The following TTLL5 variants were observed in gnomAD, a reference collection of about 807,000 sequenced individuals.
TTLL5 encodes tubulin tyrosine ligase like 5.
TTLL5 carries 132 observed loss-of-function variants against 168.4 expected under a neutral mutation model. The observed-to-expected ratio is 0.78, with a 90% CI of 0.68 to 0.91. The LOEUF (loss-of-function observed/expected upper bound fraction) is 0.91. Among genes scored for constraint, TTLL5 ranks in the 40% least tolerant of loss-of-function variants. The probability of loss-of-function intolerance (pLI) is 0.00; values close to 1 mark genes in which losing one functional copy is unlikely to be tolerated. For missense variants in TTLL5, 1,545 were observed against 1,581.5 expected (o/e 0.98, Z 0.39); for synonymous variants, 546 against 558.6 (o/e 0.98, Z 0.32).
chr14:75,863,014 G>C (rs373996057), intron 28 of TTLL5, among the ~76,000 whole-genome samples: 2 of 152,174 alleles, frequency 1.3e-5, no homozygotes, highest in East Asian at 1.9e-4. Flanking sequence ...ACATAGCATA[G>C]GTACTGACTA....
At chr14:75,890,971 A>G (rs1360289427) in intron 30 of TTLL5, among the ~76,000 whole-genome samples, 2 of 152,048 alleles carry the variant, frequency 1.3e-5, no homozygotes, top group Non-Finnish European at 2.9e-5. Flanking sequence ...TGCCCACCTC[A>G]GCCTCCCAAA....
chr14:75,705,235 G>A (rs1360377864), intron 7 of TTLL5, among the ~76,000 whole-genome samples: 1 of 152,206 alleles, frequency 6.6e-6, no homozygotes, highest in Non-Finnish European at 1.5e-5. Context: ...GCGTAGAGAT[G>A]GGTTGTGAAA....
chr14:75,875,546 A>C (rs1340954293), intron 29 of TTLL5, among the ~76,000 whole-genome samples: 1 of 152,008 alleles, frequency 6.6e-6, no homozygotes, highest in African/African-American at 2.4e-5. Context: ...ATCTCAAAAA[A>C]AAAAAAGAAA....
chr14:75,816,923 A>C (rs564409772), intron 27 of TTLL5, among the ~76,000 whole-genome samples: 23 of 150,550 alleles, frequency 1.5e-4, no homozygotes, highest in Admixed American at 6.6e-5. Context: ...CAGAGAAACT[A>C]GTGGCCAGAG....
Position 75,930,222 on chromosome 14 carries a change from C to T in TTLL5, c.3824-24202C>T, listed in dbSNP as rs182313446. 1.1e-3 allele frequency among the ~76,000 whole-genome samples: 163 copies of T among 152,216 alleles called. 1 individual carries two copies. The highest frequency in any genetic ancestry group is 3.7e-3 in the African/African-American group (154 of 41,542). ...AGAATAACAAATCCAAAGATCCTAA[C>T]CTATAATGTAGAGAATGAACACATA... On this transcript the variant is annotated intron_variant, in intron 31 of 31. Coordinates refer to ENST00000298832, the MANE Select transcript of TTLL5 (RefSeq NM_015072.5).
Position 75,793,041 on chromosome 14 carries a change from G to A in TTLL5, c.3112G>A (p.Glu1038Lys). 1 of 1,613,856 alleles carries A rather than the reference G, an allele frequency of 6.2e-7. No individual in the cohort carries two copies. The highest frequency in any genetic ancestry group is 1.1e-5 in the South Asian group (1 of 91,022). The change falls in exon 27 of 32, where the codon GAG becomes AAG. Residue 1038 changes from glutamate to lysine, a missense_variant. Physicochemically the swap from Glu to Lys is moderately conservative, Grantham distance 56. Coordinates refer to ENST00000298832, the MANE Select transcript of TTLL5 (RefSeq NM_015072.5). Reference sequence around the variant, plus strand: ...TACAGCTGAACTTCAGCGGCTAGCTGAGAAGCAGGCAGCGAGACAGTATTC... The same window carrying A: ...TACAGCTGAACTTCAGCGGCTAGCTAAGAAGCAGGCAGCGAGACAGTATTC... ...MVTAELQRLAEKQAARQYSPS... is the reference protein window; with the variant it reads ...MVTAELQRLAKKQAARQYSPS...
Position 75,717,903 on chromosome 14 carries a change from G to A in TTLL5, c.783G>A (p.Arg261=). The change falls in exon 10 of 32, where the codon CGG becomes CGA. Residue 261 remains arginine (R), a synonymous_variant. Transcript: ENST00000298832. ...VRYDQGAKNI[R]NQFMHLTNYS... ...ATGATCAAGGAGCCAAGAACATTCGGAACCAGTTCATGCATCTGACAAACT... is the reference window on the plus strand; with the variant it reads ...ATGATCAAGGAGCCAAGAACATTCGAAACCAGTTCATGCATCTGACAAACT... 2 of 1,613,822 alleles carry A rather than the reference G, an allele frequency of 1.2e-6. No individual in the cohort carries two copies. Among genetic ancestry groups the A allele is most frequent in the Non-Finnish European group, 1.7e-6 (2 of 1,179,916 alleles).
intron 31 of TTLL5, among the ~76,000 whole-genome samples, chr14:75,928,838 G>A (rs184393832): frequency 4.6e-5 from 7 of 152,266 alleles, no homozygotes; most frequent in African/African-American, 1.4e-4. Context: ...ATGAAGAGCA[G>A]GTTAATCCTG....
intron 21 of TTLL5, among the ~76,000 whole-genome samples, chr14:75,773,717 C>T (rs962954968): frequency 1.5e-4 from 22 of 151,036 alleles, no homozygotes; most frequent in African/African-American, 5.1e-4. Context: ...GGTGAAACCC[C>T]GTCTCTACTA....
At chr14:75,912,088 C>T (rs2033413828) in intron 31 of TTLL5, among the ~76,000 whole-genome samples, 1 of 152,212 alleles carries the variant, frequency 6.6e-6, no homozygotes, top group Admixed American at 6.5e-5. Flanking sequence ...AGGTCATTTG[C>T]TGGCTCCTCC....
chr14:75,746,557 CT>C (rs71119389), intron 17 of TTLL5, among the ~76,000 whole-genome samples: 77,577 of 114,384 alleles, frequency 0.68, 24,662 homozygotes, highest in African/African-American at 0.69. Context: ...CTTTTCTTTT[CT>C]TTTTTTTTTT....
chr14:75,684,618 T>TG (rs1195173414), intron 5 of TTLL5: 7 of 152,200 alleles, frequency 4.6e-5, no homozygotes. Flanking sequence ...CTACAATACT[T>TG]GCAATGATAA....
At chr14:75,796,315 C>G (rs960250631) in intron 27 of TTLL5, among the ~76,000 whole-genome samples, 6 of 152,124 alleles carry the variant, frequency 3.9e-5, no homozygotes, top group African/African-American at 1.4e-4. Flanking sequence ...CTTGTAGATT[C>G]TGGCTATTAG....
chr14:75,754,283 A>G (rs553609187), intron 18 of TTLL5, among the ~76,000 whole-genome samples: 1 of 152,228 alleles, frequency 6.6e-6, no homozygotes, highest in Admixed American at 6.5e-5. Context: ...GATTGTTTAA[A>G]GTTCCTTTCT....
At chr14:75,736,878 T>A (rs1057254561) in intron 15 of TTLL5, among the ~76,000 whole-genome samples, 1 of 151,998 alleles carries the variant, frequency 6.6e-6, no homozygotes, top group African/African-American at 2.4e-5. Context: ...GATCAAAGGG[T>A]TTTCTTTAAT....
intron 3 of TTLL5, among the ~76,000 whole-genome samples, chr14:75,680,614 G>A (rs1047327314): frequency 5.7e-5 from 8 of 141,108 alleles, no homozygotes; most frequent in Non-Finnish European, 1.2e-4. Flanking sequence ...CTAGAGCAGG[G>A]ATTTTTTTTT....
chr14:75,940,326 G>T (rs986791923), intron 31 of TTLL5, among the ~76,000 whole-genome samples: 3 of 151,808 alleles, frequency 2.0e-5, no homozygotes, highest in Non-Finnish European at 2.9e-5. Flanking sequence ...TGATCCACCC[G>T]CCTCGGCCTC....
At chr14:75,821,754 C>G (rs1303328748) in intron 28 of TTLL5, among the ~76,000 whole-genome samples, 2 of 152,160 alleles carry the variant, frequency 1.3e-5, no homozygotes, top group Non-Finnish European at 2.9e-5. Flanking sequence ...GTGGCCTTCT[C>G]CCAGCCAGAC....
At position 75,719,800 on chromosome 14, in the gene TTLL5, T is replaced by A. The variant is rs1253069935; in HGVS notation, c.908T>A (p.Leu303Gln). Residue 303 changes from leucine (L) to glutamine (Q), a missense_variant, in exon 11 of 32, where the codon CTG (leucine) becomes CAG (glutamine). Coordinates refer to ENST00000298832, the MANE Select transcript of TTLL5 (RefSeq NM_015072.5). Reference sequence around the variant, plus strand: ...AGCATGAGTGCTATGCTTAGGTACCTGAAACAAGAAGGCAGAGATACAACC... The same window carrying A: ...AGCATGAGTGCTATGCTTAGGTACCAGAAACAAGAAGGCAGAGATACAACC... ...KWSMSAMLRY[L>Q]KQEGRDTTAL... 5 of 1,613,836 alleles carry A rather than the reference T, an allele frequency of 3.1e-6. No individual in the cohort carries two copies. Among genetic ancestry groups the A allele is most frequent in the African/African-American group, 1.3e-5 (1 of 74,938 alleles).
Sources: gnomAD v4.1 joint callset for allele counts (sites outside exome capture counted in the v4.1 genomes callset) on GRCh38, gnomAD v4.1.1 for gene constraint, MANE v1.5 for transcripts, NCBI Gene and HGNC (gene_info 2026-07-23, HGNC 2026-07-21) for gene names.